Variants in RASGRF2 observed in about 807,000 individuals in gnomAD.
The protein encoded by RASGRF2 is ras-specific guanine nucleotide-releasing factor 2.
RASGRF2 carries 76 observed loss-of-function variants against 151.0 expected under a neutral mutation model. The observed-to-expected ratio is 0.50, with a 90% CI of 0.42 to 0.61. RASGRF2 has a LOEUF of 0.61. Ranked by LOEUF, RASGRF2 falls within the 20% of genes least tolerant of loss-of-function variation. The pLI is 0.00. For synonymous variants in RASGRF2, 504 were observed against 566.5 expected (o/e 0.89, Z 1.57); for missense variants, 1,148 against 1,564.6 (o/e 0.73, Z 4.49).
At chr5:81,132,879 TA>T (rs1476271447) in intron 17 of RASGRF2, among the ~76,000 whole-genome samples, 1 of 152,110 alleles carries the variant, frequency 6.6e-6, no homozygotes, top group Admixed American at 6.5e-5. Context: ...ATTATAAATA[TA>T]AACTTTTAGG....
At chr5:80,970,056 C>T (rs184415677) in intron 1 of RASGRF2, among the ~76,000 whole-genome samples, 15 of 150,642 alleles carry the variant, frequency 1.0e-4, no homozygotes, top group Admixed American at 6.6e-5. Context: ...AACTCCTAAC[C>T]TCAGGTGATC....
intron 1 of RASGRF2, among the ~76,000 whole-genome samples, chr5:81,015,916 G>C (rs937160585): frequency 1.3e-5 from 2 of 152,192 alleles, no homozygotes; most frequent in African/African-American, 4.8e-5. Context: ...ATTAATCAAT[G>C]CAATGGTGTT....
chr5:81,035,397 G>A (rs1434329414), intron 1 of RASGRF2, among the ~76,000 whole-genome samples: 2 of 152,126 alleles, frequency 1.3e-5, no homozygotes, highest in Non-Finnish European at 1.5e-5. Context: ...TCACTCATAG[G>A]TGGGAATTGA....
chr5:81,068,004 A>G (rs751606150), intron 2 of RASGRF2, 28 bp from the exon 3 acceptor site: 8 of 1,566,808 alleles, frequency 5.1e-6, no homozygotes, highest in East Asian at 4.5e-5. Context: ...CAATATCTCA[A>G]TGACTAACTG....
intron 18 of RASGRF2, among the ~76,000 whole-genome samples, chr5:81,193,341 G>A (rs1243980531): frequency 6.6e-6 from 1 of 152,214 alleles, no homozygotes; most frequent in East Asian, 1.9e-4. Flanking sequence ...GTATGATCTA[G>A]CCTCATTAAT....
chr5:81,125,835 C>T (rs1753438596), intron 16 of RASGRF2, among the ~76,000 whole-genome samples: 2 of 152,190 alleles, frequency 1.3e-5, no homozygotes, highest in Admixed American at 1.3e-4. Flanking sequence ...ATCATAGAGA[C>T]ATAGAAACAT....
intron 1 of RASGRF2, among the ~76,000 whole-genome samples, chr5:80,966,582 C>T (rs1039017980): frequency 1.3e-5 from 2 of 151,800 alleles, no homozygotes; most frequent in Admixed American, 1.3e-4. Context: ...AATTTGGTTC[C>T]GCCAAAGGGA....
intron 1 of RASGRF2, among the ~76,000 whole-genome samples, chr5:81,036,814 C>A (rs1750514791): frequency 6.6e-6 from 1 of 152,078 alleles, no homozygotes; most frequent in Admixed American, 6.6e-5. Flanking sequence ...AGTTTCCTGA[C>A]CCTCTGTATT....
At chr5:80,983,141 G>A (rs371456895) in intron 1 of RASGRF2, among the ~76,000 whole-genome samples, 4 of 152,308 alleles carry the variant, frequency 2.6e-5, no homozygotes, top group Non-Finnish European at 4.4e-5. Flanking sequence ...TCTAAGCAGC[G>A]TCTGCCCTCT....
chr5:80,960,690 A>G lies in RASGRF2; in HGVS notation c.-49A>G, dbSNP rs1253162561. The G allele has an allele frequency of 7.0e-7, 1 of 1,419,054 alleles. No homozygotes were observed. Among genetic ancestry groups the G allele is most frequent in the Admixed American group, 2.3e-5 (1 of 42,706 alleles). 87.9% of individuals were successfully genotyped at this position (1,419,054 alleles called of 1,614,324 possible). ...GGGAGCCAGCTGGGCCATGGCCGCG[A>G]GGCAGGGGTGAGACCGGCGGCCACC... On this transcript the variant is annotated 5_prime_UTR_variant, in exon 1 of 27. Transcript: ENST00000265080. This position sits in a 1 kb window ranked among gnomAD's most constrained non-coding sequence, Gnocchi z 5.5.
intron 1 of RASGRF2, among the ~76,000 whole-genome samples, chr5:81,028,698 G>A (rs1455993357): frequency 1.3e-5 from 2 of 152,166 alleles, no homozygotes; most frequent in Admixed American, 6.5e-5. Flanking sequence ...CAAGATGGCC[G>A]AATAGGAACA....
chr5:81,177,394 C>T (rs1435117936), intron 17 of RASGRF2, among the ~76,000 whole-genome samples: 1 of 151,846 alleles, frequency 6.6e-6, no homozygotes, highest in African/African-American at 2.4e-5. Flanking sequence ...GGGCCTCTGG[C>T]CTTTAGAAAC....
chr5:81,043,573 G>A (rs901004800), intron 2 of RASGRF2, among the ~76,000 whole-genome samples: 2 of 152,156 alleles, frequency 1.3e-5, no homozygotes, highest in African/African-American at 2.4e-5. Context: ...GGTCTTAAAC[G>A]GGAACTAGAA....
intron 24 of RASGRF2, 86 bp downstream of exon 24, chr5:81,216,041 C>T (rs777194464): frequency 5.4e-5 from 67 of 1,234,450 alleles, no homozygotes; most frequent in Non-Finnish European, 6.6e-5. Flanking sequence ...GACCTACCAC[C>T]TACTTTGCTT....
intron 2 of RASGRF2, among the ~76,000 whole-genome samples, chr5:81,058,775 CAAAAAAAAAA>C (rs56875865): frequency 2.9e-5 from 2 of 70,114 alleles, no homozygotes; most frequent in African/African-American, 5.8e-5. Flanking sequence ...GGCCCTGTAT[CAAAAAAAAAA>C]AAAAAAAAAA....
chr5:81,061,953 T>C (rs934181073), intron 2 of RASGRF2, among the ~76,000 whole-genome samples: 2 of 138,474 alleles, frequency 1.4e-5, no homozygotes, highest in African/African-American at 5.5e-5. Context: ...CCTCCCAAAG[T>C]GCTAGGATTA....
At chr5:81,062,587 G>A (rs955387853) in intron 2 of RASGRF2, among the ~76,000 whole-genome samples, 5 of 152,106 alleles carry the variant, frequency 3.3e-5, no homozygotes, top group African/African-American at 1.2e-4. Context: ...GTCATAGGCT[G>A]ATTCTGAAAA....
chr5:81,136,858 A>C (rs1753766208), intron 17 of RASGRF2, among the ~76,000 whole-genome samples: 1 of 151,912 alleles, frequency 6.6e-6, no homozygotes, highest in Admixed American at 6.6e-5. Flanking sequence ...CCTCTCTTCA[A>C]GGTCACTATT....
intron 15 of RASGRF2, among the ~76,000 whole-genome samples, chr5:81,116,597 T>C (rs984160258): frequency 3.9e-5 from 6 of 152,218 alleles, no homozygotes; most frequent in African/African-American, 7.2e-5. Flanking sequence ...TCTTTAAGTG[T>C]ATAGCTCAAT....
Sources: gnomAD v4.1 joint callset for allele counts (sites outside exome capture counted in the v4.1 genomes callset) on GRCh38, gnomAD v4.1.1 for gene constraint, Gnocchi (gnomAD v3.1) non-coding constraint, MANE v1.5 for transcripts, NCBI Gene and HGNC (gene_info 2026-07-23, HGNC 2026-07-21) for gene names.